Variants in SPAG16 observed in about 807,000 individuals in gnomAD.
SPAG16 encodes sperm associated antigen 16.
A neutral mutation model predicts 80.4 loss-of-function variants in SPAG16; 86 were observed. The ratio of observed to expected loss-of-function variants is 1.07; its 90% CI spans 0.90 to 1.28. The LOEUF (loss-of-function observed/expected upper bound fraction) is 1.28. SPAG16 is among the 50% of genes most tolerant of loss of function. SPAG16 has a pLI of 0.00. For missense variants in SPAG16, 870 were observed against 765.3 expected, an observed-to-expected ratio of 1.14 and a Z score of -1.61; for synonymous variants, 294 against 265.9, an observed-to-expected ratio of 1.11 and a Z score of -1.03.
At chr2:213,760,510 G>A (rs1226456670) in intron 10 of SPAG16, among the ~76,000 whole-genome samples, 3 of 146,882 alleles carry the variant, frequency 2.0e-5, no homozygotes, top group African/African-American at 7.7e-5. Context: ...ATAATGGCTA[G>A]AAAAAAAAAA....
chr2:213,338,469 ATC>A lies in SPAG16; in HGVS notation c.537-1691_537-1690del, dbSNP rs572743905. ...TTGGTGTGCTGTATTCAAGAGACCT[ATC>A]TCACATGCAAAGACACACATAGACT... On this transcript the variant is annotated intron_variant, in intron 5 of 15. Transcript: ENST00000331683. Among the ~76,000 whole-genome samples, 314 of 152,328 alleles carry A rather than the reference ATC, an allele frequency of 2.1e-3. 6 individuals carry two copies. The highest frequency in any genetic ancestry group is 0.018 in the Admixed American group (282 of 15,298).
intron 14 of SPAG16, among the ~76,000 whole-genome samples, chr2:214,115,264 G>A (rs2053875953): frequency 6.6e-6 from 1 of 152,194 alleles, no homozygotes; most frequent in African/African-American, 2.4e-5. Flanking sequence ...GTCTCTTGAG[G>A]ACATGGCATT....
At chr2:214,349,268 A>C (rs1186483506) in intron 15 of SPAG16, among the ~76,000 whole-genome samples, 1 of 152,196 alleles carries the variant, frequency 6.6e-6, no homozygotes, top group Non-Finnish European at 1.5e-5. Context: ...AACTGTTACC[A>C]CTTGTAGCAA....
chr2:213,965,630 C>T (rs1002240731), intron 12 of SPAG16, among the ~76,000 whole-genome samples: 2 of 152,184 alleles, frequency 1.3e-5, no homozygotes, highest in African/African-American at 2.4e-5. Context: ...TTTTTACTAT[C>T]GTATGGCTAT....
chr2:214,116,653 A>G (rs2125439725), intron 14 of SPAG16, among the ~76,000 whole-genome samples: 1 of 152,230 alleles, frequency 6.6e-6, no homozygotes, highest in Admixed American at 6.5e-5. Context: ...GCCACTGGAA[A>G]ATATTTCAGT....
chr2:214,387,738 G>A (rs1700840269), intron 15 of SPAG16, among the ~76,000 whole-genome samples: 1 of 152,162 alleles, frequency 6.6e-6, no homozygotes, highest in Non-Finnish European at 1.5e-5. Flanking sequence ...TCACAGGGCA[G>A]CAGAAAGGAG....
Position 214,103,650 on chromosome 2 carries a change from G to C in SPAG16, c.1528-4546G>C, listed in dbSNP as rs188606142. Among the ~76,000 whole-genome samples, 6 of 152,250 alleles carry C rather than the reference G, an allele frequency of 3.9e-5. No individual in the cohort carries two copies. The East Asian group carries it at 1.2e-3, about 29-fold the overall frequency. On this transcript the variant is annotated intron_variant, in intron 13 of 15. Coordinates refer to ENST00000331683, the MANE Select transcript of SPAG16 (RefSeq NM_024532.5). ...TTCCAGGCAGTTAGAAAACAGGAAG[G>C]CCAGTGTGACAGCTGTATGTTCTTG...
At chr2:213,991,655 C>T (rs116578038) in intron 12 of SPAG16, among the ~76,000 whole-genome samples, 3,446 of 152,070 alleles carry the variant, frequency 0.023, 139 homozygotes, top group African/African-American at 0.078. Flanking sequence ...GAGTCATGTA[C>T]CTACTTAGAG....
chr2:213,697,903 A>C (rs888962480), intron 10 of SPAG16, among the ~76,000 whole-genome samples: 1 of 152,268 alleles, frequency 6.6e-6, no homozygotes, highest in East Asian at 1.9e-4. Flanking sequence ...CTTTTTATAT[A>C]GTCCTTTTAA....
At chr2:214,244,357 T>C (rs2125832917) in intron 15 of SPAG16, among the ~76,000 whole-genome samples, 1 of 149,372 alleles carries the variant, frequency 6.7e-6, no homozygotes, top group African/African-American at 2.5e-5. Context: ...TTCAGCTCAC[T>C]CAGCATGTGA....
At chr2:213,525,371 C>T (rs1331672139) in intron 10 of SPAG16, among the ~76,000 whole-genome samples, 2 of 150,136 alleles carry the variant, frequency 1.3e-5, no homozygotes, top group African/African-American at 4.9e-5. Flanking sequence ...TCACTGCAAC[C>T]TCTGCCTCCC....
At chr2:214,210,876 T>C (rs2125747179) in intron 15 of SPAG16, among the ~76,000 whole-genome samples, 1 of 152,156 alleles carries the variant, frequency 6.6e-6, no homozygotes, top group Admixed American at 6.5e-5. Context: ...TGTGTACTTA[T>C]ATATGGATCT....
At chr2:213,664,006 G>A (rs934884690) in intron 10 of SPAG16, among the ~76,000 whole-genome samples, 10 of 152,008 alleles carry the variant, frequency 6.6e-5, no homozygotes, top group African/African-American at 2.4e-4. Context: ...CAGTCTCAGC[G>A]GGCTAAAATT....
Position 213,360,403 on chromosome 2 carries a change from C to T in SPAG16, c.763-3673C>T, listed in dbSNP as rs541596328. Among the ~76,000 whole-genome samples, 3 of 152,286 alleles carry T rather than the reference C, an allele frequency of 2.0e-5. No homozygotes were observed. In the South Asian group the frequency reaches 6.2e-4, roughly 32 times the overall value. Reference sequence around the variant, plus strand: ...TGGAAGACACATGATTCTCTAAACCCAAACTGCTAAGTGGCCAAAGCGACT... The same window carrying T: ...TGGAAGACACATGATTCTCTAAACCTAAACTGCTAAGTGGCCAAAGCGACT... On this transcript the variant is annotated intron_variant, in intron 7 of 15. Transcript: ENST00000331683.
intron 11 of SPAG16, chr2:213,924,061 T>G (rs1165772890): frequency 1.3e-5 from 2 of 152,412 alleles, no homozygotes; most frequent in Admixed American, 6.5e-5. Flanking sequence ...GCAGGCCAAA[T>G]TCAGGCTGAA....
intron 15 of SPAG16, among the ~76,000 whole-genome samples, chr2:214,180,975 G>A (rs1413699045): frequency 1.3e-5 from 2 of 151,606 alleles, no homozygotes; most frequent in African/African-American, 4.8e-5. Context: ...AGTTGCCCCC[G>A]ATTGGTTTAG....
At chr2:214,377,293 A>G (rs1700185475) in intron 15 of SPAG16, among the ~76,000 whole-genome samples, 1 of 152,212 alleles carries the variant, frequency 6.6e-6, no homozygotes, top group African/African-American at 2.4e-5. Flanking sequence ...GACCCATACG[A>G]AGTGCCACTA....
chr2:214,219,954 TGTTGGCAGGTTC>T (rs79907063), intron 15 of SPAG16, among the ~76,000 whole-genome samples: 61,422 of 152,036 alleles, frequency 0.4, 14,806 homozygotes, highest in South Asian at 0.58. Context: ...TAGCAAAACC[TGTTGGCAGGTTC>T]ATCCTCTAGA....
At chr2:214,224,730 A>C (rs1185145891) in intron 15 of SPAG16, among the ~76,000 whole-genome samples, 1 of 152,176 alleles carries the variant, frequency 6.6e-6, no homozygotes, top group Non-Finnish European at 1.5e-5. Flanking sequence ...ACTTGTTGAA[A>C]GTAAGCAAAT....
Sources: allele counts gnomAD v4.1 joint callset (sites outside exome capture counted in the v4.1 genomes callset), GRCh38; gene constraint gnomAD v4.1.1; transcripts MANE v1.5; gene names NCBI Gene and HGNC (gene_info 2026-07-23, HGNC 2026-07-21).